Variants in RHOBTB3 observed in about 807,000 individuals in gnomAD.
RHOBTB3 encodes rho-related BTB domain-containing protein 3.
A neutral mutation model predicts 67.2 loss-of-function variants in RHOBTB3; 47 were observed. The observed-to-expected ratio is 0.70, with a 90% CI of 0.55 to 0.89. RHOBTB3 has a LOEUF of 0.89. RHOBTB3 is among the 40% of genes least tolerant of loss of function. RHOBTB3 has a pLI of 0.00. For synonymous variants in RHOBTB3, 273 were observed against 274.2 expected (o/e 1.00, Z 0.04); for missense variants, 631 against 750.0 (o/e 0.84, Z 1.85).
At chr5:95,792,291 G>T (rs367575182) in intron 11 of RHOBTB3, among the ~76,000 whole-genome samples, 14 of 152,022 alleles carry the variant, frequency 9.2e-5, no homozygotes, top group African/African-American at 3.4e-4. Context: ...GGAGGCTGAG[G>T]CAGGAGAATG....
chr5:95,754,994 G>C (rs1745200090), intron 5 of RHOBTB3, among the ~76,000 whole-genome samples: 1 of 152,178 alleles, frequency 6.6e-6, no homozygotes, highest in Non-Finnish European at 1.5e-5. Context: ...AAAGGTAAAA[G>C]TAAAGAAGGA....
chr5:95,722,548 T>C, intron 1 of RHOBTB3, among the ~76,000 whole-genome samples: 1 of 152,296 alleles, frequency 6.6e-6, no homozygotes, highest in Non-Finnish European at 1.5e-5. Flanking sequence ...TGCAGTTCAG[T>C]GGCGTGACCT....
chr5:95,769,259 G>A (rs1476173013), intron 8 of RHOBTB3: 2 of 394,432 alleles, frequency 5.1e-6, no homozygotes, highest in South Asian at 2.2e-5. Context: ...AAGGATAAAT[G>A]TAAAAATATT....
intron 1 of RHOBTB3, among the ~76,000 whole-genome samples, chr5:95,721,693 TAAAA>T (rs58596325): frequency 7.6e-6 from 1 of 132,204 alleles, no homozygotes. Context: ...CTGAGAGCAT[TAAAA>T]AAAAAAAAAA....
intron 2 of RHOBTB3, among the ~76,000 whole-genome samples, chr5:95,736,116 AAT>A (rs1163786193): frequency 2.6e-5 from 4 of 152,236 alleles, no homozygotes; most frequent in Non-Finnish European, 5.9e-5. Context: ...ATTTTTAAGG[AAT>A]AGTGTTTGTA....
At chr5:95,734,238 T>C (rs1266320668) in intron 2 of RHOBTB3, among the ~76,000 whole-genome samples, 1 of 152,208 alleles carries the variant, frequency 6.6e-6, no homozygotes, top group African/African-American at 2.4e-5. Context: ...TCATACTTCA[T>C]ACATGCAGCC....
chr5:95,750,732 G>A (rs1036517911), intron 4 of RHOBTB3, among the ~76,000 whole-genome samples: 1 of 152,136 alleles, frequency 6.6e-6, no homozygotes, highest in Non-Finnish European at 1.5e-5. Flanking sequence ...CTAGGCCTGC[G>A]GGGTGGCCAA....
At position 95,788,812 on chromosome 5, in the gene RHOBTB3, T is replaced by A; in HGVS notation, c.1674T>A (p.Thr558=). Residue 558 remains threonine, a synonymous_variant, in exon 11 of 12, where the codon ACT becomes ACA. Transcript: ENST00000379982. ...LSTWLLHFIA[T]NYLIFSQKPE... ...CCTGGCTACTTCATTTCATTGCTAC[T>A]AACTACCTCATCTTCAGTCAAAAGC... is the stretch of plus-strand genomic sequence containing the variant. 6.3e-7 allele frequency: 1 copy of A among 1,580,548 alleles called. No homozygotes were observed. The highest frequency in any genetic ancestry group is 1.2e-5 in the South Asian group (1 of 83,352).
chr5:95,759,485 A>G (rs902710153), intron 6 of RHOBTB3, among the ~76,000 whole-genome samples: 1 of 152,250 alleles, frequency 6.6e-6, no homozygotes, highest in Non-Finnish European at 1.5e-5. Context: ...GCTGAAAATT[A>G]AGAGAAAAAA....
At chr5:95,780,570 T>A in intron 9 of RHOBTB3, 145 bp downstream of exon 9, 1 of 725,204 alleles carries the variant, frequency 1.4e-6, no homozygotes, top group Non-Finnish European at 2.3e-6. Flanking sequence ...GAGGTGGTGC[T>A]GGAACAACAA....
At chr5:95,739,639 C>T (rs1187744774) in intron 3 of RHOBTB3, among the ~76,000 whole-genome samples, 1 of 152,162 alleles carries the variant, frequency 6.6e-6, no homozygotes. Context: ...CAACCTGGAC[C>T]TCCTGGGCTT....
At position 95,768,094 on chromosome 5, in the gene RHOBTB3, T is replaced by C. The variant is rs756196984; in HGVS notation, c.1210T>C (p.Trp404Arg). 3.7e-6 allele frequency: 6 copies of C among 1,612,678 alleles called. No homozygotes were observed. In the East Asian group the frequency reaches 1.3e-4, roughly 36 times the overall value. Reference protein sequence around the residue: ...CKTYQARKPLWFYNTSLKFFL... With the variant: ...CKTYQARKPLRFYNTSLKFFL... ...AACCTATCAAGCCAGAAAACCTTTGTGGTTTTATAACACTTCCCTCAAGTT... is the reference window on the plus strand; with the variant it reads ...AACCTATCAAGCCAGAAAACCTTTGCGGTTTTATAACACTTCCCTCAAGTT... Residue 404 changes from tryptophan (W) to arginine (R), a missense_variant, in exon 8 of 12, where the codon TGG becomes CGG. Transcript: ENST00000379982.
At chr5:95,746,995 C>T (rs1402118211) in intron 3 of RHOBTB3, among the ~76,000 whole-genome samples, 1 of 152,198 alleles carries the variant, frequency 6.6e-6, no homozygotes, top group Non-Finnish European at 1.5e-5. Flanking sequence ...GCTGCATATG[C>T]GATGGGGGAG....
At position 95,731,409 on chromosome 5, in the gene RHOBTB3, C is replaced by G; in HGVS notation, c.-274C>G. The stretch of plus-strand genomic sequence containing the variant: ...TGCGGTCAGCTGCGTCCACTTGGGG[C>G]TGTGCGGCGGTCCCGCGCCCGGCGA... On this transcript the variant is annotated 5_prime_UTR_variant, in exon 1 of 12. Coordinates refer to ENST00000379982, the MANE Select transcript of RHOBTB3 (RefSeq NM_014899.4). The G allele has an allele frequency of 8.4e-7, 1 of 1,186,780 alleles. No individual in the cohort carries two copies. Among genetic ancestry groups the G allele is most frequent in the East Asian group, 3.9e-5 (1 of 25,358 alleles). The allele number at this position is 1,186,780 out of a possible 1,614,324, so 73.5% of individuals were successfully genotyped here. A position where few individuals can be genotyped will look rare whatever the true frequency, so the allele number is the denominator to read the frequency against.
intron 8 of RHOBTB3, chr5:95,770,057 G>A: frequency 2.9e-6 from 1 of 342,252 alleles, no homozygotes; most frequent in Admixed American, 3.4e-5. Context: ...AGAGGTCATT[G>A]GGACCAAAGG....
upstream of RHOBTB3, among the ~76,000 whole-genome samples, chr5:95,728,532 T>G (rs943094626): frequency 6.6e-6 from 1 of 152,206 alleles, no homozygotes; most frequent in African/African-American, 2.4e-5. Flanking sequence ...ATCTTTTACT[T>G]TGTACCTATC....
rs143677567 is a variant in RHOBTB3, at chr5:95,735,487, T to C, written c.229-1402T>C. On this transcript the variant is annotated intron_variant, in intron 2 of 11. Transcript: ENST00000379982. ...GATACTCCTCCAGAATGTGCCATCGTAGGATAAAAGCTCTGTCACATAGAC... is the reference window on the plus strand; with the variant it reads ...GATACTCCTCCAGAATGTGCCATCGCAGGATAAAAGCTCTGTCACATAGAC... 1.8e-3 allele frequency among the ~76,000 whole-genome samples: 267 copies of C among 152,320 alleles called. 2 individuals are homozygous for C. The highest frequency in any genetic ancestry group is 5.9e-3 in the African/African-American group (246 of 41,568).
chr5:95,763,896 C>T (rs1217991505), intron 7 of RHOBTB3, among the ~76,000 whole-genome samples: 6 of 151,924 alleles, frequency 3.9e-5, no homozygotes, highest in Non-Finnish European at 7.4e-5. Context: ...GCAGCCTCCA[C>T]CTCCTGGGCT....
At chr5:95,759,948 T>G (rs182617496) in intron 6 of RHOBTB3, among the ~76,000 whole-genome samples, 155 of 152,286 alleles carry the variant, frequency 1.0e-3, no homozygotes, top group African/African-American at 3.5e-3. Flanking sequence ...GTCCTTGTTT[T>G]TTTTTTTTTT....
Sources: gnomAD v4.1 joint callset for allele counts (sites outside exome capture counted in the v4.1 genomes callset) on GRCh38, gnomAD v4.1.1 for gene constraint, MANE v1.5 for transcripts, NCBI Gene and HGNC (gene_info 2026-07-23, HGNC 2026-07-21) for gene names.